GHRHR: variants seen among roughly 807,000 people sequenced by gnomAD.
GHRHR encodes the protein growth hormone releasing hormone receptor, also known as growth hormone-releasing hormone receptor.
In GHRHR, 40 loss-of-function variants were observed where a neutral mutation model predicts 58.3. That is an observed-to-expected ratio of 0.69 (90% CI 0.53 to 0.89). The LOEUF is 0.89. GHRHR is among the 40% of genes least tolerant of loss of function. The pLI, the probability that GHRHR is intolerant of heterozygous loss-of-function variation, is 0.00. For missense variants in GHRHR, 551 were observed against 541.3 expected (o/e 1.02, Z -0.18); for synonymous variants, 249 against 216.6 (o/e 1.15, Z -1.31).
chr7:30,976,346 GT>G lies in GHRHR; in HGVS notation c.975-82del, dbSNP rs954344087. 135 of 1,248,864 alleles carry G rather than the reference GT, an allele frequency of 1.1e-4. No homozygotes were observed. In the African/African-American group the frequency reaches 1.5e-3, roughly 14 times the overall value. The allele number at this position is 1,248,864 out of a possible 1,614,324, so 77.4% of individuals were successfully genotyped here. On this transcript the variant is annotated intron_variant, in intron 10 of 12. Transcript: ENST00000326139. ...TGTTCCACAGAGTGGATATAGGGAG[GT>G]GGTAGGAAGTGAGAGGAGATGAAGT...
chr7:30,973,984 G>A lies in GHRHR; in HGVS notation c.598-1G>A. 6.2e-7 allele frequency: 1 copy of A among 1,613,412 alleles called. No homozygotes were observed. Among genetic ancestry groups the A allele is most frequent in the Non-Finnish European group, 8.5e-7 (1 of 1,179,978 alleles). On this transcript the variant is annotated splice_acceptor_variant, in intron 6 of 12. Coordinates refer to ENST00000326139, the MANE Select transcript of GHRHR (RefSeq NM_000823.4). LOFTEE classifies it high-confidence loss of function. ...TGAAGCACCCAGGTCCTGGCCCCCA[G>A]GTTCTATGCAAGGTCTCTGTGGCCG... is the stretch of plus-strand genomic sequence containing the variant.
intron 1 of GHRHR, among the ~76,000 whole-genome samples, chr7:30,964,404 C>A (rs899416092): frequency 9.8e-4 from 1 of 1,022 alleles, no homozygotes; most frequent in African/African-American, 2.4e-3. Flanking sequence ...TCCCCCAGGG[C>A]CTGGCTGTGC....
At chr7:30,975,557 G>A (rs1792559811) in intron 9 of GHRHR, among the ~76,000 whole-genome samples, 1 of 152,090 alleles carries the variant, frequency 6.6e-6, no homozygotes, top group African/African-American at 2.4e-5. Flanking sequence ...TTGATCCCAG[G>A]ACTTGGTCCT....
chr7:30,976,663 T>C, intron 11 of GHRHR, 105 bp downstream of exon 11: 1 of 938,346 alleles, frequency 1.1e-6, no homozygotes, highest in Non-Finnish European at 1.7e-6. Context: ...GGGCTATGTT[T>C]TTCATCCATC....
At chr7:30,970,579 G>T (rs1286086653) in intron 4 of GHRHR, among the ~76,000 whole-genome samples, 1 of 152,230 alleles carries the variant, frequency 6.6e-6, no homozygotes, top group Non-Finnish European at 1.5e-5. Flanking sequence ...CCACAGGAGA[G>T]CTGGGATTGG....
rs1268108077 is a variant in GHRHR, at chr7:30,969,858, G to A, written c.269-9G>A. On this transcript the variant is annotated splice_polypyrimidine_tract_variant and intron_variant, in intron 3 of 12. Transcript: ENST00000326139. ...GAGTTGTGGCTAGAGAGTCTTGCTT[G>A]CCTCCCAGGGGCTGTGAAACGGGAT... The A allele has an allele frequency of 2.5e-6, 4 of 1,613,536 alleles. No individual in the cohort carries two copies. In the East Asian group the frequency reaches 6.7e-5, roughly 27 times the overall value.
chr7:30,971,291 G>T (rs1158877744), intron 5 of GHRHR, 75 bp downstream of exon 5: 12 of 740,616 alleles, frequency 1.6e-5, no homozygotes, highest in African/African-American at 1.0e-4. Flanking sequence ...CTGCTTCCTT[G>T]CCTACATAGC....
intron 12 of GHRHR, among the ~76,000 whole-genome samples, chr7:30,977,719 C>T (rs1474820359): frequency 6.6e-6 from 1 of 151,970 alleles, no homozygotes; most frequent in East Asian, 1.9e-4. Context: ...ATAGAGGAGC[C>T]AAGAAAGTCA....
At chr7:30,966,383 AGG>A (rs1034828146) in intron 1 of GHRHR, among the ~76,000 whole-genome samples, 9 of 63,384 alleles carry the variant, frequency 1.4e-4, no homozygotes, top group Admixed American at 4.9e-4. Context: ...CTAGACATTG[AGG>A]GTGTGTGTGT....
At chr7:30,977,839 A>T (rs992582896) in intron 12 of GHRHR, among the ~76,000 whole-genome samples, 20 of 152,190 alleles carry the variant, frequency 1.3e-4, no homozygotes, top group African/African-American at 4.6e-4. Flanking sequence ...ACACAAAGAG[A>T]GTGGACAGAA....
At chr7:30,972,240 C>G in intron 6 of GHRHR, 145 bp downstream of exon 6, 3 of 795,864 alleles carry the variant, frequency 3.8e-6, no homozygotes, top group Non-Finnish European at 6.1e-6. Context: ...GGAAAATGCT[C>G]CTTTCCCATG....
Position 30,979,154 on chromosome 7 carries a change from T to C in GHRHR, c.1182T>C (p.His394=). Residue 394 remains histidine, a synonymous_variant, in exon 13 of 13, where the codon CAT becomes CAC. Transcript: ENST00000326139. ...AGATCTCACGGAAGTGGCATGGCCATGACCCTGAGCTTCTGCCAGCCTGGA... is the reference window on the plus strand; with the variant it reads ...AGATCTCACGGAAGTGGCATGGCCACGACCCTGAGCTTCTGCCAGCCTGGA... ...RTEISRKWHG[H]DPELLPAWRT... The C allele has an allele frequency of 6.2e-7, 1 of 1,613,702 alleles. No individual in the cohort carries two copies. Among genetic ancestry groups the C allele is most frequent in the South Asian group, 1.1e-5 (1 of 91,074 alleles).
At position 30,970,708 on chromosome 7, in the gene GHRHR, G is replaced by A. The variant is rs557435400; in HGVS notation, c.367-411G>A. ...GAAACCTTTTGCCTGCCTGCCTGTG[G>A]CTGTCCCCAGGTGTCCCTGGCTATC... is the stretch of plus-strand genomic sequence containing the variant. On this transcript the variant is annotated intron_variant, in intron 4 of 12. Coordinates refer to ENST00000326139, the MANE Select transcript of GHRHR (RefSeq NM_000823.4). Among the ~76,000 whole-genome samples, 6 of 152,338 alleles carry A rather than the reference G, an allele frequency of 3.9e-5. No homozygotes were observed. In the East Asian group the frequency reaches 1.2e-3, roughly 29 times the overall value.
intron 11 of GHRHR, among the ~76,000 whole-genome samples, 166 bp from the exon 12 acceptor site, chr7:30,977,115 T>C (rs965239756): frequency 1.3e-5 from 2 of 152,188 alleles, no homozygotes; most frequent in African/African-American, 2.4e-5. Flanking sequence ...TATGACAATA[T>C]GCCTGGCACA....
chr7:30,971,942 C>T, intron 5 of GHRHR, 21 bp from the exon 6 acceptor site: 2 of 1,613,192 alleles, frequency 1.2e-6, no homozygotes, highest in Non-Finnish European at 1.7e-6. Context: ...TCTTGTTCCT[C>T]ATTTCTCCCA....
At chr7:30,974,749 G>A (rs1431430249) in intron 8 of GHRHR, among the ~76,000 whole-genome samples, 3 of 152,178 alleles carry the variant, frequency 2.0e-5, no homozygotes, top group Non-Finnish European at 4.4e-5. Flanking sequence ...AGGAGGCATT[G>A]AACAGAGTTC....
intron 3 of GHRHR, 79 bp from the exon 4 acceptor site, chr7:30,969,788 T>C (rs910102741): frequency 1.4e-6 from 2 of 1,399,982 alleles, no homozygotes; most frequent in South Asian, 1.1e-5. Flanking sequence ...CCAGGGTCAC[T>C]TGATGGTCCC....
intron 12 of GHRHR, among the ~76,000 whole-genome samples, chr7:30,978,245 T>C (rs59310183): frequency 0.097 from 14,765 of 152,132 alleles, 1,558 homozygotes; most frequent in African/African-American, 0.26. Flanking sequence ...CATGCAGCCT[T>C]ATCTGGTGTC....
rs374350459 is a variant in GHRHR, at chr7:30,977,325, G to A, written c.1146+3G>A. The A allele has an allele frequency of 2.5e-5, 41 of 1,613,678 alleles. No homozygotes were observed. The highest frequency in any genetic ancestry group is 5.3e-5 in the African/African-American group (4 of 74,936). ...TCTACTGCTTCCTCAACCAAGAGGT[G>A]TGTGATTTTTGAGGCTATCCCTCAT... On this transcript the variant is annotated splice_donor_region_variant and intron_variant, in intron 12 of 12. Coordinates refer to ENST00000326139, the MANE Select transcript of GHRHR (RefSeq NM_000823.4).
Sources: gnomAD v4.1 joint callset for allele counts (sites outside exome capture counted in the v4.1 genomes callset) on GRCh38, gnomAD v4.1.1 for gene constraint, MANE v1.5 for transcripts, NCBI Gene and HGNC (gene_info 2026-07-23, HGNC 2026-07-21) for gene names.